The following SMARCA4 variants were observed in gnomAD, a reference collection of about 807,000 sequenced individuals.
The protein encoded by SMARCA4 is SWI/SNF-related matrix-associated actin-dependent regulator of chromatin subfamily A member 4.
Under a neutral mutation model 193.9 loss-of-function variants are expected in SMARCA4, and 31 were observed. The ratio of observed to expected loss-of-function variants is 0.16; its 90% CI spans 0.12 to 0.22. The LOEUF is 0.22. Among genes scored for constraint, SMARCA4 ranks in the 10% least tolerant of loss-of-function variants. The pLI is 1.00. For missense variants in SMARCA4, 1,148 were observed against 2,296.0 expected (o/e 0.50, Z 10.22); for synonymous variants, 942 against 933.1 (o/e 1.01, Z -0.17).
intron 8 of SMARCA4, among the ~76,000 whole-genome samples, chr19:10,993,049 G>A (rs960037442): frequency 3.5e-5 from 5 of 141,836 alleles, no homozygotes; most frequent in Non-Finnish European, 6.0e-5. Flanking sequence ...GCAGTGGCAC[G>A]ATCTCCACTC....
Position 11,058,672 on chromosome 19 carries a change from C to CCACATCCTCATAGG in SMARCA4, c.4534-112_4534-99dup, listed in dbSNP as rs1366053058. The CCACATCCTCATAGG allele has an allele frequency of 1.1e-5, 10 of 896,180 alleles. No individual in the cohort carries two copies. Among genetic ancestry groups the CCACATCCTCATAGG allele is most frequent in the African/African-American group, 1.6e-5 (1 of 60,770 alleles). The allele number at this position is 896,180 out of a possible 1,614,324, so 55.5% of individuals were successfully genotyped here. On this transcript the variant is annotated intron_variant, in intron 31 of 34. Transcript: ENST00000344626. This position sits in a 1 kb window ranked among gnomAD's most constrained non-coding sequence, Gnocchi z 5.8. ...CAGGTTACCGAGGCTGGCGCTTCGGCCACATCCTCATAGGCACGAGGAATC... is the reference window on the plus strand; with the variant it reads ...CAGGTTACCGAGGCTGGCGCTTCGGCCACATCCTCATAGGCACATCCTCATAGGCACGAGGAATC...
intron 1 of SMARCA4, among the ~76,000 whole-genome samples, chr19:10,973,962 A>G (rs1162643785): frequency 1.3e-5 from 2 of 152,176 alleles, no homozygotes; most frequent in Admixed American, 1.3e-4. Context: ...CATCCTGCCC[A>G]TTGCTGTTGT....
At chr19:11,022,586 G>T (rs1253151297) in intron 19 of SMARCA4, among the ~76,000 whole-genome samples, 1 of 152,196 alleles carries the variant, frequency 6.6e-6, no homozygotes, top group Non-Finnish European at 1.5e-5. Flanking sequence ...CCTGCTGAGG[G>T]GTTTAAGTAA....
intron 1 of SMARCA4, among the ~76,000 whole-genome samples, chr19:10,967,670 C>T (rs1420843766): frequency 6.7e-6 from 1 of 148,692 alleles, no homozygotes; most frequent in Non-Finnish European, 1.5e-5. Context: ...AACCCTGGCC[C>T]CTTTCAAATG....
chr19:10,970,830 C>T (rs890105285), intron 1 of SMARCA4, among the ~76,000 whole-genome samples: 2 of 152,108 alleles, frequency 1.3e-5, no homozygotes, highest in South Asian at 2.1e-4. Flanking sequence ...GAATTGTTCT[C>T]GGTTATGAGA....
rs1386976529 is a variant in SMARCA4 at position 10,984,958 on chromosome 19, G to A, written c.223-315G>A. On this transcript the variant is annotated intron_variant, in intron 2 of 34. Transcript: ENST00000344626. The surrounding 1 kb of genome is among the most constrained non-coding windows in gnomAD (Gnocchi z 4.3). ...GCATCTGAAAGGAAAGGTCATATTA[G>A]CATCCATGAGAAAAGGTGACATTTC... Among the ~76,000 whole-genome samples, 6 of 152,320 alleles carry A rather than the reference G, an allele frequency of 3.9e-5. No homozygotes were observed. In the East Asian group the frequency reaches 1.2e-3, roughly 29 times the overall value.
chr19:11,012,377 A>G (rs1315163350), intron 15 of SMARCA4: 1 of 167,694 alleles, frequency 6.0e-6, no homozygotes, highest in Non-Finnish European at 1.3e-5. Context: ...CAAAAAAAAA[A>G]AAATGAATTA....
chr19:11,051,952 G>A (rs774686114), intron 30 of SMARCA4, among the ~76,000 whole-genome samples: 2 of 152,082 alleles, frequency 1.3e-5, no homozygotes, highest in African/African-American at 2.4e-5. Flanking sequence ...AAAATTAGCC[G>A]AGCGTAGTGA....
In SMARCA4 at chr19:11,058,964, T is replaced by A; in HGVS notation, c.4635+75T>A. The A allele has an allele frequency of 1.7e-6, 2 of 1,171,134 alleles. No individual in the cohort carries two copies. Among genetic ancestry groups the A allele is most frequent in the Non-Finnish European group, 2.5e-6 (2 of 788,552 alleles). 72.5% of individuals were successfully genotyped at this position (1,171,134 alleles called of 1,614,324 possible). On this transcript the variant is annotated intron_variant, in intron 32 of 34. Transcript: ENST00000344626. This position sits in a 1 kb window ranked among gnomAD's most constrained non-coding sequence, Gnocchi z 5.8. The stretch of plus-strand genomic sequence containing the variant: ...TTGACCCAACCCGCCCCTCCTTCCC[T>A]TCTGAATTGATGGGTTAAAAACAAG...
rs1555788376 is a variant in SMARCA4, at chr19:11,041,556, G to C, written c.4420G>C (p.Asp1474His). 6.2e-7 allele frequency: 1 copy of C among 1,612,804 alleles called. No homozygotes were observed. The highest frequency in any genetic ancestry group is 8.5e-7 in the Non-Finnish European group (1 of 1,179,776). ...KIVDAVIKYKDSSSGRQLSEV... is the reference protein window; with the variant it reads ...KIVDAVIKYKHSSSGRQLSEV... ...TGTGGATGCCGTGATCAAGTACAAG[G>C]ACAGGTAAGCGAGGAGGCGGGGAGG... Residue 1474 changes from aspartate to histidine, a missense_variant, in exon 30 of 35, where the codon GAC (aspartate) becomes CAC (histidine). Physicochemically the swap from Asp to His is moderately conservative, Grantham distance 81. Around this residue, in one of 17 missense-constraint regions of SMARCA4, gnomAD observed 141 missense variants for 193.0 expected, o/e 0.73. Coordinates refer to ENST00000344626, the MANE Select transcript of SMARCA4 (RefSeq NM_003072.5). The surrounding 1 kb of genome is among the most constrained non-coding windows in gnomAD (Gnocchi z 5.6).
chr19:10,996,118 C>A, intron 9 of SMARCA4, 95 bp from the exon 10 acceptor site: 1 of 1,255,488 alleles, frequency 8.0e-7, no homozygotes, highest in Non-Finnish European at 1.2e-6. Flanking sequence ...GTGAGCTACG[C>A]GTGCCCTCAG....
rs1555778797 is a variant in SMARCA4 at position 11,021,885 on chromosome 19, A to C, written c.2777A>C (p.Asn926Thr). Residue 926 changes from asparagine (N) to threonine (T), a missense_variant, in exon 19 of 35, where the codon AAC (asparagine) becomes ACC (threonine). This residue lies in a region of SMARCA4 where 74 missense variants were observed against 392.3 expected (regional missense o/e 0.19). Coordinates refer to ENST00000344626, the MANE Select transcript of SMARCA4 (RefSeq NM_003072.5). ...CTTCCCGAGCTCTGGGCGCTGCTCAACTTCCTGCTGCCCACCATCTTCAAG... is the reference window on the plus strand; with the variant it reads ...CTTCCCGAGCTCTGGGCGCTGCTCACCTTCCTGCTGCCCACCATCTTCAAG... The part of the protein sequence containing the change: ...NKLPELWALL[N>T]FLLPTIFKSC... 6.2e-7 allele frequency: 1 copy of C among 1,613,854 alleles called. No homozygotes were observed. Among genetic ancestry groups the C allele is most frequent in the Non-Finnish European group, 8.5e-7 (1 of 1,180,038 alleles).
intron 1 of SMARCA4, among the ~76,000 whole-genome samples, chr19:10,973,969 T>C (rs911577157): frequency 6.6e-6 from 1 of 152,178 alleles, no homozygotes; most frequent in Non-Finnish European, 1.5e-5. Flanking sequence ...CCCATTGCTG[T>C]TGTTCCGCCC....
intron 30 of SMARCA4, among the ~76,000 whole-genome samples, chr19:11,047,406 A>G (rs1400432488): frequency 3.7e-5 from 4 of 107,166 alleles, no homozygotes; most frequent in African/African-American, 1.5e-4. Context: ...CTCCGTGTCC[A>G]GAGGTTTTTT....
chr19:10,995,106 A>G (rs2086902539), intron 9 of SMARCA4, 105 bp downstream of exon 9: 1 of 1,095,282 alleles, frequency 9.1e-7, no homozygotes. Flanking sequence ...CACAGCTCGG[A>G]GTTAGAGGTG....
At chr19:10,994,793 GAA>G (rs1336684288) in intron 8 of SMARCA4, 33 bp from the exon 9 acceptor site, 1 of 1,598,290 alleles carries the variant, frequency 6.3e-7, no homozygotes, top group African/African-American at 1.3e-5. Flanking sequence ...CCATGCTGCT[GAA>G]GGGTCAGCCT....
At position 11,041,947 on chromosome 19, in the gene SMARCA4, G is replaced by A. The variant is rs940698267; in HGVS notation, c.4424+387G>A. Among the ~76,000 whole-genome samples the A allele has an allele frequency of 6.6e-6, 1 of 152,208 alleles. No homozygotes were observed. Among genetic ancestry groups the A allele is most frequent in the Non-Finnish European group, 1.5e-5 (1 of 68,038 alleles). ...GGCCTCAAGGGATGAGGTGGGATGA[G>A]GGGTTATATGGCAGTAATGGGTGCT... On this transcript the variant is annotated intron_variant, in intron 30 of 34. Transcript: ENST00000344626. The surrounding 1 kb of genome is among the most constrained non-coding windows in gnomAD (Gnocchi z 5.6).
chr19:11,025,589 C>T, intron 22 of SMARCA4, 81 bp downstream of exon 22: 1 of 982,238 alleles, frequency 1.0e-6, no homozygotes, highest in Non-Finnish European at 1.6e-6. Flanking sequence ...CTCGACAGCT[C>T]TTTAAAAACA....
At chr19:10,992,461 G>C (rs1600039792) in intron 8 of SMARCA4, among the ~76,000 whole-genome samples, 1 of 116,666 alleles carries the variant, frequency 8.6e-6, no homozygotes, top group South Asian at 2.7e-4. Flanking sequence ...TTTCACTCTT[G>C]TCACCCGGAC....
Sources: gnomAD v4.1 joint callset for allele counts (sites outside exome capture counted in the v4.1 genomes callset) on GRCh38, gnomAD v4.1.1 for gene constraint, gnomAD v4.1.1 regional missense constraint, Gnocchi (gnomAD v3.1) non-coding constraint, MANE v1.5 for transcripts, NCBI Gene and HGNC (gene_info 2026-07-23, HGNC 2026-07-21) for gene names.